PPP1R12A: variants seen among roughly 807,000 people sequenced by gnomAD.
PPP1R12A encodes myosin binding subunit.
In PPP1R12A, 19 loss-of-function variants were observed where a neutral mutation model predicts 139.6. The ratio of observed to expected loss-of-function variants is 0.14; its 90% CI spans 0.09 to 0.20. The LOEUF is 0.20. Ranked by LOEUF, PPP1R12A falls within the 10% of genes least tolerant of loss-of-function variation. PPP1R12A has a pLI of 1.00. For missense variants in PPP1R12A, 925 were observed against 1,211.5 expected, an observed-to-expected ratio of 0.76 and a Z score of 3.51; for synonymous variants, 427 against 420.6, an observed-to-expected ratio of 1.02 and a Z score of -0.19.
intron 1 of PPP1R12A, among the ~76,000 whole-genome samples, chr12:79,894,566 T>C (rs972385840): frequency 6.6e-6 from 1 of 152,136 alleles, no homozygotes; most frequent in Non-Finnish European, 1.5e-5. Flanking sequence ...TTAAACATAC[T>C]GTCATAGATC....
At chr12:79,933,670 G>A (rs1888423497) in intron 1 of PPP1R12A, among the ~76,000 whole-genome samples, 1 of 152,214 alleles carries the variant, frequency 6.6e-6, no homozygotes, top group South Asian at 2.1e-4. Flanking sequence ...TGCTTTTTAT[G>A]CATAACTCTA....
rs559202643 is a variant in PPP1R12A, at chr12:79,855,149, C to T, written c.369-9729G>A. 9.9e-5 allele frequency among the ~76,000 whole-genome samples: 15 copies of T among 152,028 alleles called. 1 individual carries two copies. Among genetic ancestry groups the T allele is most frequent in the Admixed American group, 3.3e-4 (5 of 15,264 alleles). ...GACTACAGGCGCCTGCCACCACGCC[C>T]GGCTAATTTTTTGTATTTTTAGTAA... On this transcript the variant is annotated intron_variant, in intron 2 of 24. Coordinates refer to ENST00000450142, the MANE Select transcript of PPP1R12A (RefSeq NM_002480.3).
At position 79,926,814 on chromosome 12, in the gene PPP1R12A, T is replaced by C. The variant is rs559346855; in HGVS notation, c.237+7881A>G. On this transcript the variant is annotated intron_variant, in intron 1 of 24. Coordinates refer to ENST00000450142, the MANE Select transcript of PPP1R12A (RefSeq NM_002480.3). ...TCTTCCCCCCCACCCCCAGTATCCA[T>C]GGTATGAAGTTTCCTACAATTTGTC... Among the ~76,000 whole-genome samples, 3 of 151,546 alleles carry C rather than the reference T, an allele frequency of 2.0e-5. 1 individual carries two copies. The highest frequency in any genetic ancestry group is 4.8e-5 in the African/African-American group (2 of 41,402).
At chr12:79,913,936 G>A (rs552798462) in intron 1 of PPP1R12A, 3 of 152,086 alleles carry the variant, frequency 2.0e-5, no homozygotes, top group Non-Finnish European at 4.4e-5. Flanking sequence ...GCTTGTATGT[G>A]ACATCACAAT....
At chr12:79,795,862 GGGGGAT>G in intron 17 of PPP1R12A, 103 bp from the exon 18 acceptor site, 1 of 1,113,490 alleles carries the variant, frequency 9.0e-7, no homozygotes, top group Non-Finnish European at 1.2e-6. Context: ...GGACTATCTA[GGGGGAT>G]GGAAGGTAGG....
intron 1 of PPP1R12A, among the ~76,000 whole-genome samples, chr12:79,876,770 G>C (rs113499475): frequency 6.6e-6 from 1 of 152,110 alleles, no homozygotes. Flanking sequence ...GTTTTAAAGC[G>C]GGAGGCTGAG....
At chr12:79,930,204 G>A (rs1334581487) in intron 1 of PPP1R12A, among the ~76,000 whole-genome samples, 1 of 151,960 alleles carries the variant, frequency 6.6e-6, no homozygotes, top group Non-Finnish European at 1.5e-5. Context: ...GAGGGAGAGA[G>A]GATAAAAGGC....
At chr12:79,929,206 G>A (rs1417109681) in intron 1 of PPP1R12A, among the ~76,000 whole-genome samples, 3 of 152,164 alleles carry the variant, frequency 2.0e-5, no homozygotes, top group Non-Finnish European at 4.4e-5. Flanking sequence ...ATCTAATGCC[G>A]CTGCTGATCT....
chr12:79,877,659 G>T (rs1883238875), intron 1 of PPP1R12A, among the ~76,000 whole-genome samples: 1 of 152,136 alleles, frequency 6.6e-6, no homozygotes, highest in Admixed American at 6.5e-5. Context: ...GGAACTACAG[G>T]TGTGTGCCAC....
At chr12:79,899,519 A>G (rs1211814168) in intron 1 of PPP1R12A, among the ~76,000 whole-genome samples, 2 of 152,090 alleles carry the variant, frequency 1.3e-5, no homozygotes, top group Non-Finnish European at 2.9e-5. Context: ...TTCTTTTAGC[A>G]AAATGTTTAT....
At chr12:79,858,258 A>T (rs1880914031) in intron 2 of PPP1R12A, among the ~76,000 whole-genome samples, 1 of 152,248 alleles carries the variant, frequency 6.6e-6, no homozygotes, top group South Asian at 2.1e-4. Flanking sequence ...AGACAAAATG[A>T]TAGTTTCCTT....
chr12:79,814,858 A>C (rs1237714716), intron 9 of PPP1R12A, among the ~76,000 whole-genome samples: 2 of 151,178 alleles, frequency 1.3e-5, no homozygotes, highest in Non-Finnish European at 2.9e-5. Context: ...ATTTTTACAC[A>C]TGATCGTTTT....
At chr12:79,784,378 G>A (rs192102394) in intron 22 of PPP1R12A, among the ~76,000 whole-genome samples, 1 of 152,240 alleles carries the variant, frequency 6.6e-6, no homozygotes, top group East Asian at 1.9e-4. Context: ...AACAGAAATT[G>A]GTACCTGACC....
At chr12:79,850,884 C>T (rs753221833) in intron 2 of PPP1R12A, among the ~76,000 whole-genome samples, 1 of 152,160 alleles carries the variant, frequency 6.6e-6, no homozygotes, top group Non-Finnish European at 1.5e-5. Context: ...TTCCCCTTTG[C>T]CTTCTGCCAT....
At position 79,854,095 on chromosome 12, in the gene PPP1R12A, T is replaced by C. The variant is rs1381048277; in HGVS notation, c.369-8675A>G. 2.0e-5 allele frequency among the ~76,000 whole-genome samples: 3 copies of C among 152,192 alleles called. No individual in the cohort carries two copies. The East Asian group carries it at 5.8e-4, about 29-fold the overall frequency. On this transcript the variant is annotated intron_variant, in intron 2 of 24. Transcript: ENST00000450142. Reference sequence around the variant, plus strand: ...CTGAAAACTTTATGTTGATATTTTATGGTAAGATCAAGAAAGTGCCAAAAT... The same window carrying C: ...CTGAAAACTTTATGTTGATATTTTACGGTAAGATCAAGAAAGTGCCAAAAT...
At chr12:79,860,937 C>T (rs1232903429) in intron 2 of PPP1R12A, among the ~76,000 whole-genome samples, 3 of 152,088 alleles carry the variant, frequency 2.0e-5, no homozygotes, top group African/African-American at 4.8e-5. Context: ...TTAGTAATTA[C>T]GTGTTACTTT....
intron 14 of PPP1R12A, among the ~76,000 whole-genome samples, chr12:79,799,360 G>C (rs1405040360): frequency 1.3e-5 from 2 of 152,142 alleles, no homozygotes; most frequent in Non-Finnish European, 2.9e-5. Flanking sequence ...ATGTTGGCCA[G>C]GCTGGTCTCG....
At chr12:79,813,290 G>A (rs2694664) in intron 9 of PPP1R12A, among the ~76,000 whole-genome samples, 1 of 151,894 alleles carries the variant, frequency 6.6e-6, no homozygotes, top group Non-Finnish European at 1.5e-5. Flanking sequence ...TTTCAACAAG[G>A]TTTACAAGCC....
At chr12:79,851,550 CT>C (rs1880042506) in intron 2 of PPP1R12A, among the ~76,000 whole-genome samples, 1 of 152,154 alleles carries the variant, frequency 6.6e-6, no homozygotes, top group Non-Finnish European at 1.5e-5. Flanking sequence ...TTTCTAATTT[CT>C]TTCAAGATTT....
Sources: gnomAD v4.1 joint callset for allele counts (sites outside exome capture counted in the v4.1 genomes callset) on GRCh38, gnomAD v4.1.1 for gene constraint, MANE v1.5 for transcripts, NCBI Gene and HGNC (gene_info 2026-07-23, HGNC 2026-07-21) for gene names.